The following NEK7 variants were observed in gnomAD, a reference collection of about 807,000 sequenced individuals.
NEK7 encodes NIMA related kinase 7, also known as serine/threonine-protein kinase Nek7.
In NEK7, 18 loss-of-function variants were observed where a neutral mutation model predicts 44.6. The ratio of observed to expected loss-of-function variants is 0.40; its 90% CI spans 0.28 to 0.60. The LOEUF is 0.60. Ranked by LOEUF, NEK7 falls within the 20% of genes least tolerant of loss-of-function variation. NEK7 has a pLI of 0.38. For missense variants in NEK7, 256 were observed against 366.5 expected (o/e 0.70, Z 2.46); for synonymous variants, 130 against 121.1 (o/e 1.07, Z -0.48).
At chr1:198,190,342 A>AT (rs1159659474) in intron 1 of NEK7, among the ~76,000 whole-genome samples, 1 of 152,044 alleles carries the variant, frequency 6.6e-6, no homozygotes, top group Non-Finnish European at 1.5e-5. Flanking sequence ...TACCCCTGAT[A>AT]TTTTCTCACA....
At chr1:198,295,675 G>A (rs961474833) in intron 8 of NEK7, among the ~76,000 whole-genome samples, 37 of 150,614 alleles carry the variant, frequency 2.5e-4, no homozygotes, top group African/African-American at 8.3e-4. Context: ...TATAATGAAC[G>A]CCTAGAATAT....
At chr1:198,302,162 A>G (rs1319511641) in intron 9 of NEK7, among the ~76,000 whole-genome samples, 2 of 152,192 alleles carry the variant, frequency 1.3e-5, no homozygotes, top group Non-Finnish European at 2.9e-5. Flanking sequence ...TTGTTTTTTA[A>G]AAAGATCAAG....
chr1:198,216,352 C>G (rs1665919809), intron 1 of NEK7, among the ~76,000 whole-genome samples: 1 of 151,784 alleles, frequency 6.6e-6, no homozygotes, highest in Admixed American at 6.6e-5. Context: ...ACCATGAGAT[C>G]AAGATGGAAA....
rs1571610225 is a variant in NEK7 at position 198,292,932 on chromosome 1, TG to T, written c.590-12del. 7.8e-6 allele frequency: 11 copies of T among 1,402,914 alleles called. No individual in the cohort carries two copies. In the East Asian group the frequency reaches 1.4e-4, roughly 18 times the overall value. 86.9% of individuals were successfully genotyped at this position (1,402,914 alleles called of 1,614,324 possible). On this transcript the variant is annotated splice_polypyrimidine_tract_variant and intron_variant, in intron 7 of 9. Coordinates refer to ENST00000367385, the MANE Select transcript of NEK7 (RefSeq NM_133494.3). ...TATATACCTCTTACTTTATTTGGTT[TG>T]TTTTTTTGCAGTTGGTACGCCTTAT...
intron 1 of NEK7, among the ~76,000 whole-genome samples, chr1:198,169,583 T>C (rs943092549): frequency 4.2e-5 from 5 of 118,470 alleles, no homozygotes. Context: ...ATCTAACAAC[T>C]TACTGGGTTT....
At chr1:198,209,222 AG>A (rs1327574373) in intron 1 of NEK7, among the ~76,000 whole-genome samples, 10 of 151,656 alleles carry the variant, frequency 6.6e-5, no homozygotes, top group Non-Finnish European at 1.3e-4. Flanking sequence ...CCACTATGAA[AG>A]CAAAGACTGC....
At chr1:198,245,336 G>C (rs2102903178) in intron 2 of NEK7, 1 of 169,360 alleles carries the variant, frequency 5.9e-6, no homozygotes, top group East Asian at 1.9e-4. Context: ...AAGCCTGTGT[G>C]ATCCAGGACC....
At chr1:198,254,651 T>G (rs555793765) in intron 3 of NEK7, among the ~76,000 whole-genome samples, 1 of 152,310 alleles carries the variant, frequency 6.6e-6, no homozygotes, top group African/African-American at 2.4e-5. Context: ...CTTTCCTAGT[T>G]TACACATACA....
intron 9 of NEK7, among the ~76,000 whole-genome samples, chr1:198,311,722 T>C (rs1655189929): frequency 6.6e-6 from 1 of 152,216 alleles, no homozygotes; most frequent in Non-Finnish European, 1.5e-5. Context: ...TTGGTTCTGT[T>C]TATATGCTGG....
At chr1:198,165,793 A>G (rs1664246990) in intron 1 of NEK7, among the ~76,000 whole-genome samples, 1 of 152,186 alleles carries the variant, frequency 6.6e-6, no homozygotes, top group South Asian at 2.1e-4. Context: ...ACCTCTCTCT[A>G]GCTATAAAAG....
At chr1:198,232,671 A>G (rs748203700) in intron 2 of NEK7, 34 bp downstream of exon 2, 2 of 1,275,194 alleles carry the variant, frequency 1.6e-6, no homozygotes, top group East Asian at 2.3e-5. Flanking sequence ...GCAGAACTAT[A>G]TATAATCTGT....
At chr1:198,276,620 T>C (rs1654026007) in intron 5 of NEK7, among the ~76,000 whole-genome samples, 1 of 151,780 alleles carries the variant, frequency 6.6e-6, no homozygotes, top group African/African-American at 2.4e-5. Flanking sequence ...TTTAATTACC[T>C]GGTCATCTAA....
intron 2 of NEK7, among the ~76,000 whole-genome samples, chr1:198,236,148 A>G (rs1666540044): frequency 6.6e-6 from 1 of 152,126 alleles, no homozygotes; most frequent in Non-Finnish European, 1.5e-5. Context: ...GTGGGTATGA[A>G]TTTTAGACTT....
At chr1:198,312,870 A>G (rs1655234953) in intron 9 of NEK7, among the ~76,000 whole-genome samples, 2 of 152,058 alleles carry the variant, frequency 1.3e-5, no homozygotes, top group African/African-American at 2.4e-5. Flanking sequence ...TATGTGGTCA[A>G]TTTTGGAATA....
chr1:198,303,898 A>T (rs1023998828), intron 9 of NEK7, among the ~76,000 whole-genome samples: 6 of 152,128 alleles, frequency 3.9e-5, no homozygotes, highest in African/African-American at 1.2e-4. Flanking sequence ...TTGTGCCATT[A>T]TTTATTAAAA....
At chr1:198,203,842 T>G (rs1665508386) in intron 1 of NEK7, among the ~76,000 whole-genome samples, 1 of 150,146 alleles carries the variant, frequency 6.7e-6, no homozygotes, top group Admixed American at 6.6e-5. Flanking sequence ...TCATTTTTTT[T>G]TTGTGTGTGT....
At chr1:198,287,760 T>C (rs1188493129) in intron 7 of NEK7, among the ~76,000 whole-genome samples, 1 of 152,192 alleles carries the variant, frequency 6.6e-6, no homozygotes, top group Non-Finnish European at 1.5e-5. Flanking sequence ...CTCTCTGATA[T>C]TGATCCTTGT....
chr1:198,297,456 G>A (rs963517480), intron 9 of NEK7, among the ~76,000 whole-genome samples: 2 of 152,196 alleles, frequency 1.3e-5, no homozygotes, highest in Non-Finnish European at 2.9e-5. Context: ...AGCATGTGGT[G>A]TAAAATTGGC....
At chr1:198,157,656 G>C (rs1467344888) in intron 1 of NEK7, among the ~76,000 whole-genome samples, 1 of 152,228 alleles carries the variant, frequency 6.6e-6, no homozygotes, top group Admixed American at 6.5e-5. Context: ...GGCGACGTCG[G>C]TTATTTATCT....
Sources: gnomAD v4.1 joint callset for allele counts (sites outside exome capture counted in the v4.1 genomes callset) on GRCh38, gnomAD v4.1.1 for gene constraint, MANE v1.5 for transcripts, NCBI Gene and HGNC (gene_info 2026-07-23, HGNC 2026-07-21) for gene names.